Variants in PCAT6 observed in about 807,000 individuals in gnomAD.
PCAT6 encodes the protein prostate cancer associated transcript 6.
chr1:202,811,277 G>T (rs1658544333), exon 1 of PCAT6: 1 of 399,384 alleles, frequency 2.5e-6, no homozygotes, highest in Non-Finnish European at 4.4e-6. Context: ...ACGTCAACCG[G>T]CTGCACCCCA....
At chr1:202,811,745 CCAATT>C (rs16729) in exon 1 of PCAT6, 46,479 of 244,796 alleles carry the variant, frequency 0.19, 5,136 homozygotes, top group Middle Eastern at 0.28. Flanking sequence ...GCTCATCTCT[CCAATT>C]CAATGCCATC....
chr1:202,811,595 C>A, exon 1 of PCAT6: 1 of 389,864 alleles, frequency 2.6e-6, no homozygotes, highest in South Asian at 1.4e-4. Context: ...GTCCGTGAGC[C>A]TCCCTTCCGC....
At chr1:202,811,113 C>T (rs146082214) in exon 1 of PCAT6, 10 of 389,848 alleles carry the variant, frequency 2.6e-5, no homozygotes, top group Non-Finnish European at 4.1e-5. Flanking sequence ...CCGAGTGCCA[C>T]GTCTCCAGGA....
exon 1 of PCAT6, chr1:202,811,632 G>C: frequency 5.2e-6 from 2 of 382,588 alleles, no homozygotes; most frequent in Non-Finnish European, 9.2e-6. Context: ...TGCCTTGCTC[G>C]TGCTTCTACC....
At chr1:202,811,281 C>A (rs1221444723) in exon 1 of PCAT6, 2 of 399,454 alleles carry the variant, frequency 5.0e-6, no homozygotes, top group Middle Eastern at 6.3e-4. Context: ...CAACCGGCTG[C>A]ACCCCACTTT....
exon 1 of PCAT6, chr1:202,811,274 C>T (rs1658544233): frequency 2.5e-6 from 1 of 399,402 alleles, no homozygotes; most frequent in South Asian, 1.3e-4. Flanking sequence ...CTCACGTCAA[C>T]CGGCTGCACC....
chr1:202,811,647 C>T (rs1037423044), exon 1 of PCAT6: 4 of 372,500 alleles, frequency 1.1e-5, no homozygotes, highest in Non-Finnish European at 1.9e-5. Context: ...TCTACCACCA[C>T]CCTTCCCCTC....
At chr1:202,811,482 G>C (rs1658550059) in exon 1 of PCAT6, 3 of 398,166 alleles carry the variant, frequency 7.5e-6, no homozygotes, top group African/African-American at 4.1e-5. Context: ...TGGGATGAGG[G>C]GGGCAGACCG....
At chr1:202,811,631 C>G (rs1658553290) in exon 1 of PCAT6, 2 of 381,918 alleles carry the variant, frequency 5.2e-6, no homozygotes, top group South Asian at 1.5e-4. Flanking sequence ...CTGCCTTGCT[C>G]GTGCTTCTAC....
exon 1 of PCAT6, chr1:202,811,209 T>C (rs1658542960): frequency 5.0e-6 from 2 of 396,834 alleles, no homozygotes; most frequent in East Asian, 7.2e-5. Flanking sequence ...CGCCAGATCC[T>C]TCGGACACAT....
chr1:202,811,603 C>T (rs1333146638), exon 1 of PCAT6: 9 of 391,068 alleles, frequency 2.3e-5, no homozygotes. Context: ...GCCTCCCTTC[C>T]GCCCTGGCCT....
At chr1:202,811,672 C>T (rs2102367313) in exon 1 of PCAT6, 2 of 352,278 alleles carry the variant, frequency 5.7e-6, no homozygotes, top group South Asian at 1.5e-4. Flanking sequence ...CCCGGTGGAT[C>T]CTCTCGTCTC....
exon 1 of PCAT6, chr1:202,811,378 C>T (rs2102367030): frequency 7.5e-6 from 3 of 398,742 alleles, no homozygotes; most frequent in Admixed American, 8.8e-5. Flanking sequence ...CCGGTAACCG[C>T]GTTGCGAAGA....
chr1:202,811,124 A>G, exon 1 of PCAT6: 1 of 385,664 alleles, frequency 2.6e-6, no homozygotes, highest in Non-Finnish European at 4.6e-6. Flanking sequence ...GTCTCCAGGA[A>G]CCCCCTCCTT....
At chr1:202,811,696 T>G (rs1571475059) in exon 1 of PCAT6, 1 of 321,342 alleles carries the variant, frequency 3.1e-6, no homozygotes, top group East Asian at 4.8e-5. Context: ...CAGTCTCCAG[T>G]GCACCGGCTT....
In PCAT6 at chr1:202,811,087, G is replaced by T. The variant is rs1658538920; in HGVS notation, n.205G>T. On this transcript the variant is annotated non_coding_transcript_exon_variant, in exon 1 of 1. Transcript: ENST00000686658. ...GAGCTGCAGCCCAGGCGGCCGGAGC[G>T]GAACCCAGCCCCGCTCCGAGTGCCA... is the stretch of plus-strand genomic sequence containing the variant. 4 of 378,740 alleles carry T rather than the reference G, an allele frequency of 1.1e-5. No homozygotes were observed. In the Admixed American group the frequency reaches 1.8e-4, roughly 17 times the overall value. The allele number at this position is 378,740 out of a possible 1,614,324, so 23.5% of individuals were successfully genotyped here.
rs1658546555 is a variant in PCAT6, at chr1:202,811,354, T to C, written n.472T>C. ...ATACACCCGCCTGGTGATGAGGCGC[T>C]CCTCGCGTTCCTTCCGGTAACCGCG... On this transcript the variant is annotated non_coding_transcript_exon_variant, in exon 1 of 1. Transcript: ENST00000686658. 1.8e-5 allele frequency: 7 copies of C among 398,644 alleles called. No homozygotes were observed. In the East Asian group the frequency reaches 2.5e-4, roughly 14 times the overall value. 24.7% of individuals were successfully genotyped at this position (398,644 alleles called of 1,614,324 possible). A position where few individuals can be genotyped will look rare whatever the true frequency, so the allele number is the denominator to read the frequency against.
At chr1:202,811,859 T>C (rs1396937515) in exon 1 of PCAT6, 1 of 157,376 alleles carries the variant, frequency 6.4e-6, no homozygotes, top group East Asian at 1.8e-4. Flanking sequence ...TGTTTTATTT[T>C]GTGTAGTCCT....
chr1:202,811,402 T>C (rs2275895), exon 1 of PCAT6: 86,729 of 398,472 alleles, frequency 0.22, 10,444 homozygotes, highest in East Asian at 0.32. Context: ...CGCTGCCGGG[T>C]TGCAAACTTG....
Sources: allele counts gnomAD v4.1 joint callset, GRCh38; gene constraint gnomAD v4.1.1; transcripts MANE v1.5; gene names NCBI Gene and HGNC (gene_info 2026-07-23, HGNC 2026-07-21).